Variants in PCSK2 observed in about 807,000 individuals in gnomAD.
The protein encoded by PCSK2 is neuroendocrine convertase 2.
In PCSK2, 14 loss-of-function variants were observed where a neutral mutation model predicts 69.7. That is an observed-to-expected ratio of 0.20 (90% CI 0.13 to 0.31). The LOEUF (loss-of-function observed/expected upper bound fraction) is 0.31, where lower values mean the gene tolerates loss of function less well. Ranked by LOEUF, PCSK2 falls within the 10% of genes least tolerant of loss-of-function variation. The probability of loss-of-function intolerance (pLI) is 1.00; values close to 1 mark genes in which losing one functional copy is unlikely to be tolerated. For missense variants in PCSK2, 544 were observed against 842.5 expected (o/e 0.65, Z 4.39); for synonymous variants, 307 against 320.7 (o/e 0.96, Z 0.46).
intron 1 of PCSK2, among the ~76,000 whole-genome samples, chr20:17,231,320 C>T (rs79522417): frequency 0.019 from 2,919 of 152,226 alleles, 89 homozygotes; most frequent in African/African-American, 0.067. Context: ...AATTTCTGGT[C>T]GCTTCACTTT....
chr20:17,248,555 A>G (rs1986852773), intron 1 of PCSK2, among the ~76,000 whole-genome samples: 1 of 152,166 alleles, frequency 6.6e-6, no homozygotes, highest in Non-Finnish European at 1.5e-5. Context: ...AAAGCAAGAG[A>G]CAAAAAAGGC....
chr20:17,355,899 C>G (rs1259454384), intron 2 of PCSK2, among the ~76,000 whole-genome samples: 1 of 152,160 alleles, frequency 6.6e-6, no homozygotes, highest in Non-Finnish European at 1.5e-5. Flanking sequence ...CCTTAGAGTA[C>G]AGGGGAATCA....
chr20:17,430,091 G>T (rs546794596), intron 7 of PCSK2, among the ~76,000 whole-genome samples: 1 of 152,264 alleles, frequency 6.6e-6, no homozygotes, highest in Admixed American at 6.5e-5. Flanking sequence ...GAGAAATTCT[G>T]CCTAGAACCT....
chr20:17,274,757 G>A (rs1251769761), intron 2 of PCSK2, among the ~76,000 whole-genome samples: 1 of 152,132 alleles, frequency 6.6e-6, no homozygotes, highest in East Asian at 1.9e-4. Context: ...AAATAAACTG[G>A]TTGTTTTAAG....
intron 6 of PCSK2, among the ~76,000 whole-genome samples, chr20:17,426,961 A>G (rs758003519): frequency 3.9e-5 from 6 of 152,244 alleles, no homozygotes; most frequent in Non-Finnish European, 7.3e-5. Context: ...ATTAACCGTT[A>G]CAATTTTAAT....
chr20:17,450,627 G>A (rs978049051), intron 8 of PCSK2, among the ~76,000 whole-genome samples: 2 of 152,154 alleles, frequency 1.3e-5, no homozygotes, highest in African/African-American at 4.8e-5. Flanking sequence ...TCAAGGCACT[G>A]GCAGGTTCAG....
At chr20:17,338,664 T>C (rs1054468472) in intron 2 of PCSK2, among the ~76,000 whole-genome samples, 1 of 152,174 alleles carries the variant, frequency 6.6e-6, no homozygotes, top group African/African-American at 2.4e-5. Flanking sequence ...GTTCCTACTT[T>C]GCATCTGGCA....
At chr20:17,232,942 A>G (rs1986195378) in intron 1 of PCSK2, among the ~76,000 whole-genome samples, 1 of 152,210 alleles carries the variant, frequency 6.6e-6, no homozygotes, top group Non-Finnish European at 1.5e-5. Context: ...TTCCCTAGAC[A>G]TGGCTGCCAT....
intron 8 of PCSK2, among the ~76,000 whole-genome samples, chr20:17,449,046 G>C (rs1256984146): frequency 1.3e-5 from 2 of 151,922 alleles, no homozygotes; most frequent in African/African-American, 4.8e-5. Flanking sequence ...TTTTTCTTTT[G>C]TACAGATGGG....
chr20:17,235,565 T>C (rs1986308426), intron 1 of PCSK2, among the ~76,000 whole-genome samples: 2 of 152,250 alleles, frequency 1.3e-5, no homozygotes, highest in Non-Finnish European at 2.9e-5. Flanking sequence ...ATTTGCAAAG[T>C]GTTGTAAGTC....
chr20:17,237,348 C>T (rs967142992), intron 1 of PCSK2, among the ~76,000 whole-genome samples: 8 of 152,168 alleles, frequency 5.3e-5, no homozygotes, highest in African/African-American at 1.9e-4. Context: ...TCACATACAC[C>T]TCATTCATGC....
intron 2 of PCSK2, among the ~76,000 whole-genome samples, chr20:17,296,853 A>G (rs1026884038): frequency 1.3e-5 from 2 of 152,228 alleles, no homozygotes; most frequent in Non-Finnish European, 2.9e-5. Context: ...TCACAGTAAG[A>G]TAATGTATGT....
intron 2 of PCSK2, among the ~76,000 whole-genome samples, chr20:17,343,558 A>T (rs1990567519): frequency 1.3e-5 from 2 of 152,242 alleles, no homozygotes; most frequent in Non-Finnish European, 2.9e-5. Flanking sequence ...AGATGCCCAC[A>T]TTCTAAGCCC....
chr20:17,258,513 T>C (rs115643572), intron 1 of PCSK2, among the ~76,000 whole-genome samples: 1,908 of 152,234 alleles, frequency 0.013, 33 homozygotes, highest in African/African-American at 0.043. Flanking sequence ...TATGCATCAA[T>C]AATGGAAAGG....
chr20:17,287,256 C>T (rs947528711), intron 2 of PCSK2, among the ~76,000 whole-genome samples: 9 of 152,140 alleles, frequency 5.9e-5, no homozygotes, highest in Admixed American at 5.9e-4. Flanking sequence ...AGCCACACAT[C>T]CAGTGGGCAA....
intron 2 of PCSK2, among the ~76,000 whole-genome samples, chr20:17,282,459 A>G (rs1600446515): frequency 6.6e-6 from 1 of 152,122 alleles, no homozygotes; most frequent in South Asian, 2.1e-4. Context: ...CCAAATGTTC[A>G]CTTTAGCCCA....
intron 2 of PCSK2, among the ~76,000 whole-genome samples, chr20:17,335,427 TTGTGTGTGTGTG>T (rs56275148): frequency 5.0e-5 from 7 of 139,192 alleles, no homozygotes; most frequent in African/African-American, 1.1e-4. Context: ...CAGCATCACT[TTGTGTGTGTGTG>T]TGTGTGTGTG....
At chr20:17,404,662 G>T (rs2031715088) in intron 5 of PCSK2, among the ~76,000 whole-genome samples, 1 of 152,204 alleles carries the variant, frequency 6.6e-6, no homozygotes, top group Admixed American at 6.5e-5. Context: ...TGTAGCCCAG[G>T]AGAGAACGAG....
intron 5 of PCSK2, among the ~76,000 whole-genome samples, chr20:17,381,169 C>A (rs769349742): frequency 1.3e-5 from 2 of 152,180 alleles, no homozygotes; most frequent in East Asian, 1.9e-4. Flanking sequence ...TCCCAACCTA[C>A]GGGAAATTAT....
Sources: allele counts gnomAD v4.1 joint callset (sites outside exome capture counted in the v4.1 genomes callset), GRCh38; gene constraint gnomAD v4.1.1; transcripts MANE v1.5; gene names NCBI Gene and HGNC (gene_info 2026-07-23, HGNC 2026-07-21).